The following SCFD2 variants were observed in gnomAD, a reference collection of about 807,000 sequenced individuals.
SCFD2 encodes the protein sec1 family domain-containing protein 2.
A neutral mutation model predicts 58.9 loss-of-function variants in SCFD2; 54 were observed. That is an observed-to-expected ratio of 0.92 (90% CI 0.74 to 1.15). The LOEUF (loss-of-function observed/expected upper bound fraction) is 1.15, where lower values mean the gene tolerates loss of function less well. Among genes scored for constraint, SCFD2 ranks in the 50% most tolerant of loss-of-function variants. SCFD2 has a pLI of 0.00. For missense variants in SCFD2, 805 were observed against 836.6 expected (o/e 0.96, Z 0.47); for synonymous variants, 321 against 335.9 (o/e 0.96, Z 0.49).
intron 5 of SCFD2, among the ~76,000 whole-genome samples, chr4:52,942,803 G>A (rs570308561): frequency 6.6e-6 from 1 of 152,270 alleles, no homozygotes; most frequent in South Asian, 2.1e-4. Flanking sequence ...AAAACAAGTG[G>A]GCTAGCAGTG....
chr4:52,967,500 C>T (rs571186756), intron 5 of SCFD2, among the ~76,000 whole-genome samples: 1 of 152,330 alleles, frequency 6.6e-6, no homozygotes, highest in East Asian at 1.9e-4. Flanking sequence ...TGAGGAAACT[C>T]AAGCATAACT....
intron 5 of SCFD2, among the ~76,000 whole-genome samples, chr4:53,078,759 T>C (rs1175377732): frequency 6.6e-6 from 1 of 152,122 alleles, no homozygotes; most frequent in African/African-American, 2.4e-5. Context: ...CTGATTCCAA[T>C]ATCCATGGTC....
chr4:53,321,049 C>T (rs986346676), intron 2 of SCFD2, among the ~76,000 whole-genome samples: 7 of 152,162 alleles, frequency 4.6e-5, no homozygotes, highest in Non-Finnish European at 1.5e-5. Flanking sequence ...TACTAATTGT[C>T]ATTTTTTGAT....
chr4:52,963,613 G>C (rs1341975666), intron 5 of SCFD2, among the ~76,000 whole-genome samples: 1 of 152,088 alleles, frequency 6.6e-6, no homozygotes, highest in Non-Finnish European at 1.5e-5. Context: ...ACACTCAACT[G>C]TCTGCAAAAG....
chr4:52,895,906 T>C (rs1458435690), intron 7 of SCFD2, among the ~76,000 whole-genome samples: 1 of 152,258 alleles, frequency 6.6e-6, no homozygotes. Flanking sequence ...ATTTCTCTGA[T>C]GGCCAGTGGT....
chr4:53,354,194 C>T (rs962900623), intron 1 of SCFD2, among the ~76,000 whole-genome samples: 17 of 152,218 alleles, frequency 1.1e-4, no homozygotes, highest in African/African-American at 3.4e-4. Flanking sequence ...GGGTGGTGCT[C>T]GGGCATGGCG....
intron 5 of SCFD2, among the ~76,000 whole-genome samples, chr4:53,118,366 G>C (rs764179181): frequency 3.3e-5 from 5 of 152,154 alleles, no homozygotes; most frequent in Non-Finnish European, 7.3e-5. Context: ...ATTGGTGACT[G>C]CATTTCTCCG....
chr4:53,114,014 C>T (rs1192921479), intron 5 of SCFD2, among the ~76,000 whole-genome samples: 2 of 152,140 alleles, frequency 1.3e-5, no homozygotes, highest in African/African-American at 4.8e-5. Flanking sequence ...GACTCTGAAA[C>T]CAGATTCCCT....
chr4:53,187,061 C>G (rs1727756813), intron 4 of SCFD2, among the ~76,000 whole-genome samples: 1 of 151,066 alleles, frequency 6.6e-6, no homozygotes. Context: ...TATCAAATGA[C>G]AAACAGAAAA....
chr4:53,253,101 A>G (rs2149042570), intron 4 of SCFD2, among the ~76,000 whole-genome samples: 1 of 152,374 alleles, frequency 6.6e-6, no homozygotes, highest in East Asian at 1.9e-4. Flanking sequence ...CACTTCTCAA[A>G]AGAAGACATT....
intron 4 of SCFD2, among the ~76,000 whole-genome samples, chr4:53,203,728 A>G (rs766274367): frequency 7.9e-5 from 12 of 152,070 alleles, no homozygotes; most frequent in Non-Finnish European, 1.6e-4. Context: ...AGAATCCTTG[A>G]AAGGCTCAGG....
chr4:53,228,839 T>C (rs897333847), intron 4 of SCFD2, among the ~76,000 whole-genome samples: 5 of 152,230 alleles, frequency 3.3e-5, no homozygotes, highest in Non-Finnish European at 7.3e-5. Flanking sequence ...TTGTCCCTGT[T>C]TGCAGATGAC....
chr4:52,940,014 C>G (rs1355292738), intron 5 of SCFD2, among the ~76,000 whole-genome samples: 4 of 152,224 alleles, frequency 2.6e-5, no homozygotes, highest in African/African-American at 7.2e-5. Flanking sequence ...AGCAGGGAGC[C>G]TACATTCCCT....
intron 2 of SCFD2, among the ~76,000 whole-genome samples, chr4:53,338,066 C>G (rs1322150886): frequency 6.6e-6 from 1 of 152,186 alleles, no homozygotes; most frequent in African/African-American, 2.4e-5. Context: ...CCCCAAGAAT[C>G]TAGAAGAGGC....
intron 5 of SCFD2, among the ~76,000 whole-genome samples, chr4:53,002,504 C>T (rs1406830389): frequency 3.3e-5 from 5 of 152,152 alleles, no homozygotes; most frequent in Non-Finnish European, 5.9e-5. Context: ...ACAACAACCA[C>T]TACTAGGATT....
intron 4 of SCFD2, among the ~76,000 whole-genome samples, chr4:53,251,748 C>G (rs1236366910): frequency 6.6e-6 from 1 of 151,796 alleles, no homozygotes; most frequent in Non-Finnish European, 1.5e-5. Flanking sequence ...ATAATAAGAG[C>G]TATCTATGAC....
At chr4:53,005,982 C>A (rs1187155506) in intron 5 of SCFD2, among the ~76,000 whole-genome samples, 1 of 152,198 alleles carries the variant, frequency 6.6e-6, no homozygotes. Context: ...GGGGACCCAG[C>A]ACTGTGTGTG....
intron 2 of SCFD2, among the ~76,000 whole-genome samples, chr4:53,327,404 G>A (rs970741498): frequency 6.6e-6 from 1 of 152,146 alleles, no homozygotes; most frequent in Non-Finnish European, 1.5e-5. Flanking sequence ...GGATGTCAAA[G>A]GCCAAGTGGA....
intron 6 of SCFD2, among the ~76,000 whole-genome samples, chr4:52,908,668 T>A (rs980948642): frequency 2.7e-5 from 4 of 148,348 alleles, no homozygotes; most frequent in Non-Finnish European, 4.4e-5. Context: ...CTTCCAGTCA[T>A]TTTTTTTTAC....
Sources: allele counts gnomAD v4.1 joint callset (sites outside exome capture counted in the v4.1 genomes callset), GRCh38; gene constraint gnomAD v4.1.1; transcripts MANE v1.5; gene names NCBI Gene and HGNC (gene_info 2026-07-23, HGNC 2026-07-21).